Variants in IL23R observed in about 807,000 individuals in gnomAD.
IL23R encodes interleukin-23 receptor.
Under a neutral mutation model 56.9 loss-of-function variants are expected in IL23R, and 34 were observed. That is an observed-to-expected ratio of 0.60 (90% CI 0.45 to 0.80). IL23R has a LOEUF of 0.80. IL23R is among the 30% of genes least tolerant of loss of function. The probability of loss-of-function intolerance (pLI) is 0.00; values close to 1 mark genes in which losing one functional copy is unlikely to be tolerated. For missense variants in IL23R, 635 were observed against 730.0 expected, an observed-to-expected ratio of 0.87 and a Z score of 1.50; for synonymous variants, 230 against 249.2, an observed-to-expected ratio of 0.92 and a Z score of 0.73.
intron 7 of IL23R, among the ~76,000 whole-genome samples, chr1:67,230,096 A>G (rs144775006): frequency 0.01 from 1,539 of 152,332 alleles, 16 homozygotes; most frequent in Non-Finnish European, 0.018. Flanking sequence ...GATCACTGCC[A>G]CTGCCTGCCC....
chr1:67,141,685 G>A (rs568602289), intron 1 of IL23R, among the ~76,000 whole-genome samples: 1 of 152,132 alleles, frequency 6.6e-6, no homozygotes, highest in African/African-American at 2.4e-5. Flanking sequence ...TTGAGCCCTG[G>A]AGGTTGAGGC....
In IL23R at chr1:67,259,939, G is replaced by A. The variant is rs1400519175; in HGVS notation, c.*811G>A. ...AGATTGTGCCACTGCACTCCAGCCTGGGCAACAAGAGCAAAACTCTGTCTG... is the reference window on the plus strand; with the variant it reads ...AGATTGTGCCACTGCACTCCAGCCTAGGCAACAAGAGCAAAACTCTGTCTG... On this transcript the variant is annotated 3_prime_UTR_variant, in exon 11 of 11. Transcript: ENST00000347310. The A allele has an allele frequency of 3.6e-5, 5 of 139,436 alleles. No individual in the cohort carries two copies. The highest frequency in any genetic ancestry group is 7.5e-5 in the Non-Finnish European group (5 of 66,276). 8.6% of individuals were successfully genotyped at this position (139,436 alleles called of 1,614,324 possible). A position where few individuals can be genotyped will look rare whatever the true frequency, so the allele number is the denominator to read the frequency against.
intron 1 of IL23R, among the ~76,000 whole-genome samples, chr1:67,143,505 G>A (rs1646656153): frequency 6.6e-6 from 1 of 152,200 alleles, no homozygotes; most frequent in Non-Finnish European, 1.5e-5. Flanking sequence ...ATTTCTCAGA[G>A]TAGCATCTAA....
At chr1:67,147,230 CTGA>C (rs928511422) in intron 1 of IL23R, among the ~76,000 whole-genome samples, 5 of 152,130 alleles carry the variant, frequency 3.3e-5, no homozygotes, top group African/African-American at 1.2e-4. Flanking sequence ...GTTTCTCTCC[CTGA>C]CATACCTGAA....
chr1:67,247,961 T>G (rs1652350432), intron 9 of IL23R, among the ~76,000 whole-genome samples: 1 of 152,214 alleles, frequency 6.6e-6, no homozygotes, highest in Non-Finnish European at 1.5e-5. Flanking sequence ...TTCTGGCTTG[T>G]GGGGTTTCTG....
intron 3 of IL23R, among the ~76,000 whole-genome samples, chr1:67,180,034 T>G (rs13389018): frequency 6.6e-6 from 1 of 151,970 alleles, no homozygotes; most frequent in African/African-American, 2.4e-5. Flanking sequence ...GTACTTTACT[T>G]CCGACTATGT....
At chr1:67,192,592 A>G (rs1339106849) in intron 4 of IL23R, among the ~76,000 whole-genome samples, 1 of 152,190 alleles carries the variant, frequency 6.6e-6, no homozygotes, top group Admixed American at 6.5e-5. Context: ...GGTATCTTGA[A>G]GTTAACATTT....
chr1:67,247,560 T>G (rs1652314630), intron 9 of IL23R, among the ~76,000 whole-genome samples: 1 of 152,192 alleles, frequency 6.6e-6, no homozygotes, highest in Admixed American at 6.5e-5. Flanking sequence ...CACCTTGGCC[T>G]CCCAAAGTGC....
At chr1:67,190,958 G>A (rs79767861) in intron 4 of IL23R, among the ~76,000 whole-genome samples, 1,585 of 152,170 alleles carry the variant, frequency 0.01, 28 homozygotes, top group African/African-American at 0.035. Context: ...TATTTTTAAG[G>A]CTACGTTAGG....
chr1:67,206,902 T>C lies in IL23R; in HGVS notation c.653-8T>C, dbSNP rs79031071. ...GCCAGGTCTTTTTTTTTTTTTTTTT[T>C]TTTCTAGTGATACCTTCTGCAGCCG... On this transcript the variant is annotated splice_polypyrimidine_tract_variant and splice_region_variant and intron_variant, in intron 5 of 10. Transcript: ENST00000347310. The C allele has an allele frequency of 4.6e-6, 7 of 1,526,702 alleles. No individual in the cohort carries two copies. The highest frequency in any genetic ancestry group is 5.3e-6 in the Non-Finnish European group (6 of 1,140,384). 94.6% of individuals were successfully genotyped at this position (1,526,702 alleles called of 1,614,324 possible).
chr1:67,211,069 T>G (rs1649437994), intron 6 of IL23R, among the ~76,000 whole-genome samples: 1 of 152,224 alleles, frequency 6.6e-6, no homozygotes, highest in Non-Finnish European at 1.5e-5. Flanking sequence ...TTGTTTACCT[T>G]TGTTCACTCA....
rs769644724 is a variant in IL23R at position 67,219,591 on chromosome 1, C to T, written c.816C>T (p.Thr272=). ...NQTWNVKEFD[T]NFTYVQQSEF... is the part of the protein sequence containing the mutation. ...CATTTTAGGTTAAAGAATTTGACAC[C>T]AATTTTACATATGTGCAACAGTCAG... Residue 272 remains threonine (T), a synonymous_variant, in exon 7 of 11, where the codon ACC becomes ACT. Coordinates refer to ENST00000347310, the MANE Select transcript of IL23R (RefSeq NM_144701.3). 1.9e-6 allele frequency: 3 copies of T among 1,613,776 alleles called. No homozygotes were observed. The highest frequency in any genetic ancestry group is 2.5e-6 in the Non-Finnish European group (3 of 1,179,862).
At chr1:67,176,117 TAGCAACAA>T (rs768283273) in intron 3 of IL23R, among the ~76,000 whole-genome samples, 31 of 152,182 alleles carry the variant, frequency 2.0e-4, no homozygotes, top group Non-Finnish European at 3.7e-4. Context: ...TCAATGACCT[TAGCAACAA>T]TGGTTTTGGT....
intron 4 of IL23R, among the ~76,000 whole-genome samples, chr1:67,190,444 C>CA (rs1558235859): frequency 3.3e-5 from 1 of 29,918 alleles, no homozygotes; most frequent in Non-Finnish European, 7.5e-5. Context: ...AAAAAAAAAA[C>CA]CAAAAAAAAA....
intron 6 of IL23R, among the ~76,000 whole-genome samples, chr1:67,216,558 G>A (rs564250172): frequency 1.6e-4 from 25 of 152,272 alleles, no homozygotes; most frequent in African/African-American, 3.6e-4. Flanking sequence ...TGTTTGTAGC[G>A]TGAAAGCAGT....
chr1:67,156,251 A>G (rs186724530), intron 1 of IL23R, among the ~76,000 whole-genome samples: 2,916 of 152,264 alleles, frequency 0.019, 83 homozygotes, highest in African/African-American at 0.066. Flanking sequence ...AGGTCTCTCC[A>G]AGTCAGGAGG....
At chr1:67,258,217 T>A (rs555948972) in intron 10 of IL23R, among the ~76,000 whole-genome samples, 1 of 152,340 alleles carries the variant, frequency 6.6e-6, no homozygotes, top group South Asian at 2.1e-4. Flanking sequence ...TTAAAACTTT[T>A]AAACCAAGAA....
At chr1:67,255,687 C>A in intron 9 of IL23R, 150 bp from the exon 10 acceptor site, 1 of 546,408 alleles carries the variant, frequency 1.8e-6, no homozygotes, top group Non-Finnish European at 3.4e-6. Flanking sequence ...AATCCTCCCA[C>A]CTCAGCCTCC....
chr1:67,145,173 C>G (rs1339957347), intron 1 of IL23R, among the ~76,000 whole-genome samples: 1 of 152,124 alleles, frequency 6.6e-6, no homozygotes, highest in African/African-American at 2.4e-5. Flanking sequence ...TGCTGAAACC[C>G]CATTTCTACT....
Sources: gnomAD v4.1 joint callset for allele counts (sites outside exome capture counted in the v4.1 genomes callset) on GRCh38, gnomAD v4.1.1 for gene constraint, MANE v1.5 for transcripts, NCBI Gene and HGNC (gene_info 2026-07-23, HGNC 2026-07-21) for gene names.